The following CHRM3 variants were observed in gnomAD, a reference collection of about 807,000 sequenced individuals.
CHRM3 encodes the protein muscarinic acetylcholine receptor M3.
CHRM3 carries 11 observed loss-of-function variants against 41.8 expected under a neutral mutation model. The ratio of observed to expected loss-of-function variants is 0.26; its 90% CI spans 0.17 to 0.44. CHRM3 has a LOEUF of 0.44. Ranked by LOEUF, CHRM3 falls within the 20% of genes least tolerant of loss-of-function variation. The probability of loss-of-function intolerance (pLI) is 1.00; values close to 1 mark genes in which losing one functional copy is unlikely to be tolerated. For missense variants in CHRM3, 571 were observed against 745.4 expected, an observed-to-expected ratio of 0.77 and a Z score of 2.72; for synonymous variants, 297 against 301.4, an observed-to-expected ratio of 0.99 and a Z score of 0.15.
At chr1:239,842,600 A>G (rs1673909067) in intron 6 of CHRM3, among the ~76,000 whole-genome samples, 2 of 152,140 alleles carry the variant, frequency 1.3e-5, no homozygotes, top group South Asian at 4.1e-4. Context: ...AGGACTGATA[A>G]ACACATTAGA....
intron 1 of CHRM3, among the ~76,000 whole-genome samples, chr1:239,453,249 G>T (rs1287396686): frequency 6.6e-6 from 1 of 152,070 alleles, no homozygotes; most frequent in Non-Finnish European, 1.5e-5. Flanking sequence ...TTACTTCCAG[G>T]ACAAAAGAAA....
intron 6 of CHRM3, among the ~76,000 whole-genome samples, chr1:239,860,522 A>T (rs1675552927): frequency 6.6e-6 from 1 of 152,140 alleles, no homozygotes; most frequent in African/African-American, 2.4e-5. Flanking sequence ...ACTTTTTAGG[A>T]TTTTGGAACA....
chr1:239,768,121 C>T (rs1667366916), intron 5 of CHRM3, among the ~76,000 whole-genome samples: 1 of 152,198 alleles, frequency 6.6e-6, no homozygotes, highest in Non-Finnish European at 1.5e-5. Context: ...TTGAAATGAT[C>T]TCTTCATTGC....
intron 1 of CHRM3, among the ~76,000 whole-genome samples, chr1:239,416,801 AC>A (rs1661536172): frequency 6.6e-6 from 1 of 152,158 alleles, no homozygotes; most frequent in Non-Finnish European, 1.5e-5. Context: ...CCAGTAAGCT[AC>A]CTCAACCCTC....
chr1:239,390,050 G>T (rs529975597), intron 1 of CHRM3, among the ~76,000 whole-genome samples: 95 of 152,292 alleles, frequency 6.2e-4, no homozygotes, highest in Middle Eastern at 3.4e-3. Flanking sequence ...TATTCTCACA[G>T]TGTGATTTTG....
chr1:239,512,341 AT>A lies in CHRM3; in HGVS notation c.-422+19536del, dbSNP rs1668978839. 3.9e-5 allele frequency among the ~76,000 whole-genome samples: 6 copies of A among 152,206 alleles called. No homozygotes were observed. The South Asian group carries it at 1.2e-3, about 32-fold the overall frequency. ...CTCTGAGGATAGCTCAAGCATTTAA[AT>A]TCAGTTAAACAAATTTTACCCAGTG... On this transcript the variant is annotated intron_variant, in intron 2 of 6. Coordinates refer to ENST00000676153, the MANE Select transcript of CHRM3 (RefSeq NM_001375978.1).
intron 5 of CHRM3, among the ~76,000 whole-genome samples, chr1:239,754,490 A>G (rs1486254576): frequency 6.6e-6 from 1 of 152,190 alleles, no homozygotes; most frequent in African/African-American, 2.4e-5. Flanking sequence ...TCTCCCAATG[A>G]CTGGGGACAC....
chr1:239,536,402 A>G (rs1658202613), intron 2 of CHRM3, among the ~76,000 whole-genome samples: 1 of 152,186 alleles, frequency 6.6e-6, no homozygotes, highest in Non-Finnish European at 1.5e-5. Context: ...GTCATCCTTG[A>G]TTGCTTACTG....
chr1:239,723,241 A>G (rs1663138193), intron 5 of CHRM3, among the ~76,000 whole-genome samples: 1 of 151,980 alleles, frequency 6.6e-6, no homozygotes, highest in Admixed American at 6.6e-5. Flanking sequence ...ATTCTGTTCA[A>G]TAAGGATAAA....
intron 5 of CHRM3, among the ~76,000 whole-genome samples, chr1:239,691,244 T>A (rs1659687851): frequency 6.6e-6 from 1 of 152,048 alleles, no homozygotes; most frequent in Non-Finnish European, 1.5e-5. Flanking sequence ...ATTTGAAACT[T>A]GCAGGATCCC....
intron 2 of CHRM3, among the ~76,000 whole-genome samples, chr1:239,520,683 A>G (rs1029128616): frequency 4.6e-5 from 7 of 152,216 alleles, no homozygotes; most frequent in Non-Finnish European, 8.8e-5. Context: ...ACAAACAGGT[A>G]TAGCAGGTGT....
intron 3 of CHRM3, among the ~76,000 whole-genome samples, chr1:239,588,692 C>T (rs1663701479): frequency 6.6e-6 from 1 of 152,126 alleles, no homozygotes; most frequent in African/African-American, 2.4e-5. Flanking sequence ...TGCCACTAGA[C>T]CAGATGCACA....
chr1:239,789,961 A>G (rs1669208295), intron 5 of CHRM3, among the ~76,000 whole-genome samples: 1 of 152,170 alleles, frequency 6.6e-6, no homozygotes, highest in African/African-American at 2.4e-5. Flanking sequence ...TGGAGCTTTA[A>G]GATTTGACTA....
At chr1:239,539,317 C>A (rs576890299) in intron 2 of CHRM3, among the ~76,000 whole-genome samples, 1 of 152,264 alleles carries the variant, frequency 6.6e-6, no homozygotes, top group Non-Finnish European at 1.5e-5. Context: ...CAGTTAGTGA[C>A]ACTGGTTAGA....
intron 2 of CHRM3, among the ~76,000 whole-genome samples, chr1:239,519,147 T>G (rs955318158): frequency 1.3e-5 from 2 of 152,162 alleles, no homozygotes; most frequent in Admixed American, 6.5e-5. Flanking sequence ...GATTAGCTAC[T>G]GAAATTGACA....
At position 239,392,583 on chromosome 1, in the gene CHRM3, C is replaced by G. The variant is rs187123835; in HGVS notation, c.-521+5356C>G. 6.2e-3 allele frequency among the ~76,000 whole-genome samples: 939 copies of G among 152,272 alleles called. 7 individuals are homozygous for G. The highest frequency in any genetic ancestry group is 0.01 in the Middle Eastern group (3 of 294). ...AGATAAAATTCAGGTGAGTTTAAAC[C>G]AAGGTGAAATACTTTCAGCCTGTTT... On this transcript the variant is annotated intron_variant, in intron 1 of 6. Coordinates refer to ENST00000676153, the MANE Select transcript of CHRM3 (RefSeq NM_001375978.1).
intron 5 of CHRM3, among the ~76,000 whole-genome samples, chr1:239,794,651 C>T (rs1669622271): frequency 6.6e-6 from 1 of 152,118 alleles, no homozygotes; most frequent in Admixed American, 6.5e-5. Flanking sequence ...TATACAAATT[C>T]GGTGGCTTAT....
intron 1 of CHRM3, among the ~76,000 whole-genome samples, chr1:239,398,215 G>C (rs1441027180): frequency 3.9e-5 from 6 of 152,178 alleles, no homozygotes; most frequent in Admixed American, 3.3e-4. Flanking sequence ...TGCAGTCTGG[G>C]TTAGTGAAAT....
chr1:239,427,764 C>G (rs908827200), intron 1 of CHRM3, among the ~76,000 whole-genome samples: 3 of 151,828 alleles, frequency 2.0e-5, no homozygotes, highest in African/African-American at 4.8e-5. Context: ...AAGAGACAAG[C>G]AGATGGAGGA....
Sources: gnomAD v4.1 joint callset for allele counts (sites outside exome capture counted in the v4.1 genomes callset) on GRCh38, gnomAD v4.1.1 for gene constraint, MANE v1.5 for transcripts, NCBI Gene and HGNC (gene_info 2026-07-23, HGNC 2026-07-21) for gene names.